The following GREM2 variants were observed in gnomAD, a reference collection of about 807,000 sequenced individuals.
The protein encoded by GREM2 is gremlin 2, DAN family BMP antagonist, also known as gremlin-2.
GREM2 carries 11 observed loss-of-function variants against 14.2 expected under a neutral mutation model. The observed-to-expected ratio is 0.78, with a 90% CI of 0.49 to 1.28. The LOEUF is 1.28. GREM2 is among the 50% of genes most tolerant of loss of function. GREM2 has a pLI of 0.00. For missense variants in GREM2, 210 were observed against 218.5 expected, an observed-to-expected ratio of 0.96 and a Z score of 0.24; for synonymous variants, 98 against 97.6, an observed-to-expected ratio of 1.00 and a Z score of -0.02.
At chr1:240,598,293 T>A (rs1679858939) in intron 1 of GREM2, among the ~76,000 whole-genome samples, 1 of 152,224 alleles carries the variant, frequency 6.6e-6, no homozygotes, top group Non-Finnish European at 1.5e-5. Context: ...AAGACCCCAA[T>A]GGCCTCTCTG....
intron 1 of GREM2, among the ~76,000 whole-genome samples, chr1:240,537,653 C>T (rs531835714): frequency 4.6e-5 from 7 of 152,180 alleles, no homozygotes; most frequent in African/African-American, 1.2e-4. Context: ...AGCATGGTGG[C>T]GCGTGCCTGT....
At chr1:240,494,178 G>A (rs1186207832) in intron 1 of GREM2, among the ~76,000 whole-genome samples, 1 of 152,204 alleles carries the variant, frequency 6.6e-6, no homozygotes, top group Non-Finnish European at 1.5e-5. Flanking sequence ...TCATTTACAT[G>A]TATATCTCAT....
At chr1:240,509,597 A>G in intron 1 of GREM2, among the ~76,000 whole-genome samples, 1 of 151,452 alleles carries the variant, frequency 6.6e-6, no homozygotes, top group African/African-American at 2.4e-5. Flanking sequence ...CGAACTCTCA[A>G]CCTCAGGTGA....
At chr1:240,496,796 T>G (rs9725629) in intron 1 of GREM2, among the ~76,000 whole-genome samples, 68,948 of 151,884 alleles carry the variant, frequency 0.45, 15,813 homozygotes, top group East Asian at 0.5. Flanking sequence ...GATCCCCTGA[T>G]GTCAGGAGTT....
chr1:240,557,994 A>C (rs1252029397), intron 1 of GREM2, among the ~76,000 whole-genome samples: 3 of 152,226 alleles, frequency 2.0e-5, no homozygotes, highest in African/African-American at 7.2e-5. Context: ...CTAACTGTGC[A>C]ACATGGTTTT....
At chr1:240,499,050 G>A (rs1443974484) in intron 1 of GREM2, among the ~76,000 whole-genome samples, 10 of 152,216 alleles carry the variant, frequency 6.6e-5, no homozygotes. Context: ...GCCAAAGCAA[G>A]CTAGTATTTA....
chr1:240,600,302 G>C (rs1300113691), intron 1 of GREM2, among the ~76,000 whole-genome samples: 1 of 152,012 alleles, frequency 6.6e-6, no homozygotes, highest in East Asian at 1.9e-4. Context: ...ATGGAGTGGA[G>C]AAAGCAGAAA....
intron 1 of GREM2, among the ~76,000 whole-genome samples, chr1:240,529,381 T>A (rs929955651): frequency 6.6e-6 from 1 of 151,486 alleles, no homozygotes; most frequent in African/African-American, 2.4e-5. Context: ...TGAATGAACA[T>A]AGAGGATAAC....
chr1:240,532,461 T>C (rs145867235), intron 1 of GREM2, among the ~76,000 whole-genome samples: 1 of 152,158 alleles, frequency 6.6e-6, no homozygotes, highest in Non-Finnish European at 1.5e-5. Flanking sequence ...TTTCCCAAAG[T>C]TAACCAAAGT....
At chr1:240,509,358 T>A (rs113849467) in intron 1 of GREM2, among the ~76,000 whole-genome samples, 135 of 132,424 alleles carry the variant, frequency 1.0e-3, no homozygotes, top group African/African-American at 4.1e-3. Flanking sequence ...CCAGCTCATT[T>A]GATTTTTTTT....
At chr1:240,577,440 T>G (rs959916772) in intron 1 of GREM2, among the ~76,000 whole-genome samples, 2 of 152,230 alleles carry the variant, frequency 1.3e-5, no homozygotes, top group African/African-American at 4.8e-5. Flanking sequence ...GTTGTGCCAC[T>G]CTTGAGAATT....
intron 1 of GREM2, among the ~76,000 whole-genome samples, chr1:240,580,975 G>A (rs532491645): frequency 1.3e-5 from 2 of 152,156 alleles, no homozygotes; most frequent in South Asian, 4.2e-4. Context: ...ACTCAGCCGC[G>A]CCAGTGGCTC....
rs1022801727 is a variant in GREM2 at position 240,494,468 on chromosome 1, A to T, written c.-1-992T>A. ...TCGTTCACAAGTTTCTTTAAAAATG[A>T]GTATTAAAGATAGAACTGGACATAG... On this transcript the variant is annotated intron_variant, in intron 1 of 1. Coordinates refer to ENST00000318160, the MANE Select transcript of GREM2 (RefSeq NM_022469.4). 3.9e-4 allele frequency among the ~76,000 whole-genome samples: 59 copies of T among 152,252 alleles called. 1 individual carries two copies. The highest frequency in any genetic ancestry group is 4.4e-5 in the Non-Finnish European group (3 of 68,048).
chr1:240,568,721 C>T lies in GREM2; in HGVS notation c.-2+43163G>A, dbSNP rs141479906. On this transcript the variant is annotated intron_variant, in intron 1 of 1. Coordinates refer to ENST00000318160, the MANE Select transcript of GREM2 (RefSeq NM_022469.4). Reference sequence around the variant, plus strand: ...AAGAAAGCTAGATGAAGAATTAACACATTGTCTGTATTCTCAAATGAACGA... The same window carrying T: ...AAGAAAGCTAGATGAAGAATTAACATATTGTCTGTATTCTCAAATGAACGA... Among the ~76,000 whole-genome samples the T allele has an allele frequency of 3.4e-3, 520 of 152,278 alleles. 1 individual carries two copies. The highest frequency in any genetic ancestry group is 0.012 in the African/African-American group (490 of 41,566).
At position 240,492,421 on chromosome 1, in the gene GREM2, T is replaced by G. The variant is rs915597168; in HGVS notation, c.*548A>C. ...GGAGACGCCCCGTCCACCGACATAT[T>G]TATGGAGGTTGCACATATCCTCATC... On this transcript the variant is annotated 3_prime_UTR_variant, in exon 2 of 2. Coordinates refer to ENST00000318160, the MANE Select transcript of GREM2 (RefSeq NM_022469.4). The G allele has an allele frequency of 8.9e-5, 24 of 270,088 alleles. No homozygotes were observed. Among genetic ancestry groups the G allele is most frequent in the African/African-American group, 4.1e-4 (19 of 45,828 alleles). 16.7% of individuals were successfully genotyped at this position (270,088 alleles called of 1,614,324 possible).
intron 1 of GREM2, among the ~76,000 whole-genome samples, chr1:240,609,012 C>T (rs769536895): frequency 1.3e-5 from 2 of 152,112 alleles, no homozygotes; most frequent in African/African-American, 2.4e-5. Flanking sequence ...TACCTAAGAA[C>T]ACAAGAGAGT....
chr1:240,560,717 A>G (rs1388249745), intron 1 of GREM2, among the ~76,000 whole-genome samples: 8 of 152,230 alleles, frequency 5.3e-5, no homozygotes, highest in Non-Finnish European at 1.2e-4. Flanking sequence ...AACTGACACC[A>G]TAATGGCTTA....
chr1:240,581,887 A>G (rs752472240), intron 1 of GREM2, among the ~76,000 whole-genome samples: 61 of 152,256 alleles, frequency 4.0e-4, no homozygotes, highest in Non-Finnish European at 5.3e-4. Context: ...ATAAAGTCAT[A>G]CAAGTAACAG....
At chr1:240,581,439 T>TA (rs750800390) in intron 1 of GREM2, among the ~76,000 whole-genome samples, 1 of 152,178 alleles carries the variant, frequency 6.6e-6, no homozygotes, top group Non-Finnish European at 1.5e-5. Flanking sequence ...TGATATGTGG[T>TA]AAACGCTCAT....
Sources: gnomAD v4.1 joint callset for allele counts (sites outside exome capture counted in the v4.1 genomes callset) on GRCh38, gnomAD v4.1.1 for gene constraint, MANE v1.5 for transcripts, NCBI Gene and HGNC (gene_info 2026-07-23, HGNC 2026-07-21) for gene names.